AKAP19: variants seen among roughly 807,000 people sequenced by gnomAD.
AKAP19 encodes the protein small A-kinase anchoring protein.
the AKAP19 span, among the ~76,000 whole-genome samples, chr2:189,950,338 T>TG: frequency 2.7e-5 from 4 of 149,482 alleles, no homozygotes; most frequent in Admixed American, 2.0e-4. Context: ...TTTTTTGTTT[T>TG]TTTTTTTTGT....
the AKAP19 span, among the ~76,000 whole-genome samples, chr2:190,055,091 A>G: frequency 2.0e-5 from 3 of 152,222 alleles, no homozygotes; most frequent in African/African-American, 7.2e-5. Flanking sequence ...ATGTCCAACA[A>G]TGATAGACTG....
the AKAP19 span, among the ~76,000 whole-genome samples, chr2:189,887,039 A>T: frequency 4.6e-5 from 7 of 152,228 alleles, no homozygotes; most frequent in East Asian, 1.4e-3. Flanking sequence ...TGTGCAGAAC[A>T]TGCAGATTCG....
At chr2:190,199,555 C>A in the AKAP19 span, 2 of 287,214 alleles carry the variant, frequency 7.0e-6, no homozygotes, top group Non-Finnish European at 1.2e-5. Flanking sequence ...TCTTTTTCTT[C>A]TACTGATAAG....
the AKAP19 span, among the ~76,000 whole-genome samples, chr2:190,168,401 A>T: frequency 6.6e-6 from 1 of 151,986 alleles, no homozygotes; most frequent in African/African-American, 2.4e-5. Context: ...CCCTGGAGAC[A>T]TTCCACCCCC....
chr2:189,888,524 C>T, the AKAP19 span, among the ~76,000 whole-genome samples: 1 of 152,162 alleles, frequency 6.6e-6, no homozygotes, highest in South Asian at 2.1e-4. Context: ...CTATAAATTA[C>T]TTTGGGCAGT....
At chr2:189,978,849 C>T in the AKAP19 span, among the ~76,000 whole-genome samples, 1 of 151,872 alleles carries the variant, frequency 6.6e-6, no homozygotes, top group African/African-American at 2.4e-5. Flanking sequence ...AAAAAAATTA[C>T]CTTGTAATTA....
the AKAP19 span, among the ~76,000 whole-genome samples, chr2:190,071,662 A>G: frequency 1.3e-5 from 2 of 152,330 alleles, no homozygotes; most frequent in African/African-American, 2.4e-5. Context: ...TAATAATACC[A>G]GTAATATCTA....
chr2:190,034,479 G>T, the AKAP19 span, among the ~76,000 whole-genome samples: 1 of 130,130 alleles, frequency 7.7e-6, no homozygotes, highest in Admixed American at 9.2e-5. Context: ...CCAGGGAAAA[G>T]TAGGGCAGGA....
chr2:189,958,654 A>G, the AKAP19 span, among the ~76,000 whole-genome samples: 1 of 151,222 alleles, frequency 6.6e-6, no homozygotes, highest in African/African-American at 2.4e-5. Flanking sequence ...GTTGTGCAAA[A>G]TGGTTGTAGT....
At chr2:190,162,707 A>G in the AKAP19 span, among the ~76,000 whole-genome samples, 9 of 152,234 alleles carry the variant, frequency 5.9e-5, no homozygotes, top group Non-Finnish European at 8.8e-5. Context: ...AGGTTTAACA[A>G]TAATAAATAC....
the AKAP19 span, among the ~76,000 whole-genome samples, chr2:189,976,042 G>A: frequency 8.5e-5 from 13 of 152,208 alleles, no homozygotes; most frequent in Non-Finnish European, 2.9e-5. Context: ...GTTCCTTGGA[G>A]GGGGAGAGGT....
chr2:189,966,035 C>T, the AKAP19 span, among the ~76,000 whole-genome samples: 2 of 151,988 alleles, frequency 1.3e-5, no homozygotes, highest in Non-Finnish European at 2.9e-5. Context: ...ATGGCATTTG[C>T]AGCAACCTGG....
chr2:190,039,354 C>T, the AKAP19 span, among the ~76,000 whole-genome samples: 3 of 152,196 alleles, frequency 2.0e-5, no homozygotes, highest in African/African-American at 7.2e-5. Context: ...GCTGGGATTA[C>T]AGGCGTGAGC....
the AKAP19 span, among the ~76,000 whole-genome samples, chr2:190,129,071 G>A: frequency 6.6e-6 from 1 of 152,166 alleles, no homozygotes. Context: ...ATATATTTCA[G>A]TTTCTTAGAA....
the AKAP19 span, among the ~76,000 whole-genome samples, chr2:190,038,022 C>A: frequency 6.6e-6 from 1 of 152,102 alleles, no homozygotes. Flanking sequence ...TTTGGCATTG[C>A]AGAAGAATGA....
At chr2:189,951,777 C>G in the AKAP19 span, among the ~76,000 whole-genome samples, 1 of 152,162 alleles carries the variant, frequency 6.6e-6, no homozygotes. Flanking sequence ...TATGCCACCC[C>G]AAAATATGTC....
the AKAP19 span, among the ~76,000 whole-genome samples, chr2:189,984,481 G>A: frequency 3.3e-5 from 5 of 152,154 alleles, no homozygotes; most frequent in African/African-American, 7.2e-5. Flanking sequence ...CTGTTATCCT[G>A]TTCTTTTTTC....
At chr2:190,053,109 C>A in the AKAP19 span, among the ~76,000 whole-genome samples, 1 of 152,120 alleles carries the variant, frequency 6.6e-6, no homozygotes, top group African/African-American at 2.4e-5. Context: ...GAAAACAAAG[C>A]GTGTGTGTCT....
the AKAP19 span, among the ~76,000 whole-genome samples, chr2:189,962,041 G>A: frequency 6.6e-6 from 1 of 152,022 alleles, no homozygotes; most frequent in Non-Finnish European, 1.5e-5. Flanking sequence ...TGGAAACTGT[G>A]AAAACCATAT....
Sources: allele counts gnomAD v4.1 joint callset (sites outside exome capture counted in the v4.1 genomes callset), GRCh38; gene constraint gnomAD v4.1.1; transcripts MANE v1.5; gene names NCBI Gene and HGNC (gene_info 2026-07-23, HGNC 2026-07-21).